NALF1: variants seen among roughly 807,000 people sequenced by gnomAD.
The protein encoded by NALF1 is family with sequence similarity 155 member A.
Under a neutral mutation model 48.4 loss-of-function variants are expected in NALF1, and 3 were observed. The observed-to-expected ratio is 0.06, with a 90% CI of 0.03 to 0.16. The LOEUF (loss-of-function observed/expected upper bound fraction) is 0.16. NALF1 is among the 10% of genes least tolerant of loss of function. The pLI, the probability that NALF1 is intolerant of heterozygous loss-of-function variation, is 1.00. For synonymous variants in NALF1, 262 were observed against 245.7 expected, an observed-to-expected ratio of 1.07 and a Z score of -0.62; for missense variants, 526 against 571.5, an observed-to-expected ratio of 0.92 and a Z score of 0.81.
chr13:107,699,614 C>T (rs1881775327), intron 1 of NALF1, among the ~76,000 whole-genome samples: 1 of 151,902 alleles, frequency 6.6e-6, no homozygotes, highest in Admixed American at 6.6e-5. Context: ...GTTTTTATGT[C>T]CAGTTGAAAC....
intron 1 of NALF1, among the ~76,000 whole-genome samples, chr13:107,637,990 A>G (rs1366094407): frequency 2.0e-5 from 3 of 151,778 alleles, no homozygotes; most frequent in East Asian, 3.9e-4. Context: ...TGAAAACTCA[A>G]CAGATTTGGT....
At chr13:107,606,125 G>A (rs1363753423) in intron 1 of NALF1, among the ~76,000 whole-genome samples, 1 of 152,080 alleles carries the variant, frequency 6.6e-6, no homozygotes, top group Non-Finnish European at 1.5e-5. Flanking sequence ...GCCCCAAAAT[G>A]AGCATTTTAC....
intron 1 of NALF1, among the ~76,000 whole-genome samples, chr13:107,489,281 T>C (rs1885378939): frequency 6.6e-6 from 1 of 152,138 alleles, no homozygotes; most frequent in Admixed American, 6.6e-5. Context: ...AGAAAACTGT[T>C]TTAAAATTTA....
intron 1 of NALF1, among the ~76,000 whole-genome samples, chr13:107,389,821 T>C (rs886123570): frequency 8.5e-5 from 13 of 152,282 alleles, no homozygotes; most frequent in Non-Finnish European, 1.5e-4. Context: ...AAAGAATAAA[T>C]TGTTTCAAGG....
chr13:107,448,467 T>C (rs1161162268), intron 1 of NALF1, among the ~76,000 whole-genome samples: 1 of 152,202 alleles, frequency 6.6e-6, no homozygotes, highest in Non-Finnish European at 1.5e-5. Flanking sequence ...AGCAAAGAGT[T>C]GGTCTTGTCT....
chr13:107,863,107 A>T (rs1234573535), intron 1 of NALF1, among the ~76,000 whole-genome samples: 6 of 151,902 alleles, frequency 3.9e-5, no homozygotes, highest in Non-Finnish European at 8.8e-5. Context: ...CTTTTAATGT[A>T]GCCTATGACT....
chr13:107,573,909 C>G (rs866364507), intron 1 of NALF1, among the ~76,000 whole-genome samples: 1 of 152,188 alleles, frequency 6.6e-6, no homozygotes, highest in African/African-American at 2.4e-5. Flanking sequence ...TCAATTAAAC[C>G]TCTTTCTTTT....
intron 1 of NALF1, among the ~76,000 whole-genome samples, chr13:107,420,324 A>G (rs1326114162): frequency 6.6e-6 from 1 of 152,332 alleles, no homozygotes; most frequent in African/African-American, 2.4e-5. Context: ...CTTCTCATAC[A>G]TTGCTAACGT....
At chr13:107,485,941 G>C (rs1247453326) in intron 1 of NALF1, among the ~76,000 whole-genome samples, 7 of 152,104 alleles carry the variant, frequency 4.6e-5, no homozygotes, top group Non-Finnish European at 7.4e-5. Flanking sequence ...TTACACTCTT[G>C]AGAAAACTTG....
rs950492852 is a variant in NALF1, at chr13:107,848,012, T to G, written c.915+17670A>C. On this transcript the variant is annotated intron_variant, in intron 1 of 2. Transcript: ENST00000375915. Reference sequence around the variant, plus strand: ...ATTATTCCACTTTTGAAATTATCTGTGAAAAATGGCAACCACTCTATTGAA... The same window carrying G: ...ATTATTCCACTTTTGAAATTATCTGGGAAAAATGGCAACCACTCTATTGAA... Among the ~76,000 whole-genome samples the G allele has an allele frequency of 4.6e-5, 7 of 152,188 alleles. No homozygotes were observed. The South Asian group carries it at 1.5e-3, about 32-fold the overall frequency.
chr13:107,290,244 T>G (rs1594106501), intron 1 of NALF1, among the ~76,000 whole-genome samples: 1 of 151,860 alleles, frequency 6.6e-6, no homozygotes, highest in South Asian at 2.1e-4. Flanking sequence ...AGTTGGATGA[T>G]TTCATATCAT....
chr13:107,201,169 A>G (rs139665770), intron 2 of NALF1, among the ~76,000 whole-genome samples: 1 of 58,448 alleles, frequency 1.7e-5, no homozygotes, highest in Non-Finnish European at 2.6e-5. Flanking sequence ...TCTATCTATC[A>G]TCTATCTATC....
At chr13:107,492,747 T>A (rs1305201408) in intron 1 of NALF1, among the ~76,000 whole-genome samples, 2 of 152,196 alleles carry the variant, frequency 1.3e-5, no homozygotes, top group African/African-American at 4.8e-5. Flanking sequence ...AAGACTTTGA[T>A]AATGGCTGTA....
chr13:107,274,378 C>G (rs1371983430), intron 1 of NALF1, among the ~76,000 whole-genome samples: 1 of 152,008 alleles, frequency 6.6e-6, no homozygotes, highest in African/African-American at 2.4e-5. Context: ...TAAGATCAAC[C>G]TGGGAAACGA....
intron 1 of NALF1, among the ~76,000 whole-genome samples, chr13:107,771,509 A>G (rs1877576277): frequency 1.3e-5 from 2 of 149,062 alleles, no homozygotes; most frequent in South Asian, 4.2e-4. Flanking sequence ...AATCTATAAT[A>G]TGTAATATAG....
At chr13:107,411,611 C>T (rs767144917) in intron 1 of NALF1, among the ~76,000 whole-genome samples, 18 of 152,158 alleles carry the variant, frequency 1.2e-4, no homozygotes, top group Non-Finnish European at 2.1e-4. Flanking sequence ...TCGTACTCTT[C>T]ACCATGCTTC....
chr13:107,565,384 C>CAAAAA (rs10631309), intron 1 of NALF1, among the ~76,000 whole-genome samples: 2 of 119,454 alleles, frequency 1.7e-5, no homozygotes, highest in Admixed American at 1.8e-4. Context: ...GACCTTATCT[C>CAAAAA]AAAAAAAAAA....
intron 1 of NALF1, among the ~76,000 whole-genome samples, chr13:107,390,877 TTAATAA>T (rs71121527): frequency 0.1 from 15,177 of 147,174 alleles, 944 homozygotes; most frequent in South Asian, 0.22. Context: ...AGCCAGAAGG[TTAATAA>T]TAATAATAAT....
chr13:107,217,421 C>T (rs540589068), intron 1 of NALF1, among the ~76,000 whole-genome samples: 2 of 152,274 alleles, frequency 1.3e-5, no homozygotes, highest in African/African-American at 2.4e-5. Flanking sequence ...AGTATCCCTC[C>T]GGCTTCTGTT....
Sources: gnomAD v4.1 joint callset for allele counts (sites outside exome capture counted in the v4.1 genomes callset) on GRCh38, gnomAD v4.1.1 for gene constraint, MANE v1.5 for transcripts, NCBI Gene and HGNC (gene_info 2026-07-23, HGNC 2026-07-21) for gene names.